The following SFMBT2 variants were observed in gnomAD, a reference collection of about 807,000 sequenced individuals.
SFMBT2 encodes Scm like with four mbt domains 2.
Under a neutral mutation model 110.1 loss-of-function variants are expected in SFMBT2, and 38 were observed. The ratio of observed to expected loss-of-function variants is 0.35; its 90% CI spans 0.27 to 0.45. SFMBT2 has a LOEUF of 0.45. Ranked by LOEUF, SFMBT2 falls within the 20% of genes least tolerant of loss-of-function variation. SFMBT2 has a pLI of 1.00. For missense variants in SFMBT2, 1,011 were observed against 1,094.9 expected, an observed-to-expected ratio of 0.92 and a Z score of 1.08; for synonymous variants, 425 against 425.4, an observed-to-expected ratio of 1.00 and a Z score of 0.01.
In SFMBT2 at chr10:7,220,511, C is replaced by G. The variant is rs565355283; in HGVS notation, c.1230G>C (p.Lys410Asn). 1 of 1,614,138 alleles carries G rather than the reference C, an allele frequency of 6.2e-7. No individual in the cohort carries two copies. The highest frequency in any genetic ancestry group is 1.1e-5 in the South Asian group (1 of 91,088). The change falls in exon 11 of 21, where the codon AAG becomes AAC. Residue 410 changes from lysine (K) to asparagine (N), a missense_variant. By Grantham distance (94) the Lys-to-Asn change is moderately conservative. This residue lies in a region of SFMBT2 where 979 missense variants were observed against 1,016.1 expected (regional missense o/e 0.96). Coordinates refer to ENST00000397167, the MANE Select transcript of SFMBT2 (RefSeq NM_001387889.1). The part of the protein sequence containing the change: ...RNTSFSRGFT[K>N]NMKLEAVNPR... Reference sequence around the variant, plus strand: ...GGTTCACAGCTTCAAGTTTCATGTTCTTTGTGAAACCTCGACTGAATGATG... The same window carrying G: ...GGTTCACAGCTTCAAGTTTCATGTTGTTTGTGAAACCTCGACTGAATGATG...
At chr10:7,404,068 C>A (rs1251607229) in intron 1 of SFMBT2, among the ~76,000 whole-genome samples, 1 of 152,074 alleles carries the variant, frequency 6.6e-6, no homozygotes, top group Non-Finnish European at 1.5e-5. Flanking sequence ...CACATGCACC[C>A]CACACATATG....
chr10:7,379,969 A>G (rs1845377732), intron 2 of SFMBT2, among the ~76,000 whole-genome samples: 1 of 151,824 alleles, frequency 6.6e-6, no homozygotes, highest in Non-Finnish European at 1.5e-5. Context: ...CCGTGTGCAC[A>G]TGAAAAGCCA....
intron 2 of SFMBT2, among the ~76,000 whole-genome samples, chr10:7,376,726 A>C (rs77675852): frequency 6.4e-4 from 24 of 37,228 alleles, no homozygotes; most frequent in East Asian, 1.5e-3. Flanking sequence ...AGGCCCTCCC[A>C]CAAAAAAAAA....
chr10:7,297,558 G>GGAGGAGGAT (rs1370315496), intron 4 of SFMBT2, among the ~76,000 whole-genome samples: 1 of 152,146 alleles, frequency 6.6e-6, no homozygotes, highest in Non-Finnish European at 1.5e-5. Flanking sequence ...AGGAGAAGCA[G>GGAGGAGGAT]GAGGAGGATG....
intron 1 of SFMBT2, among the ~76,000 whole-genome samples, chr10:7,385,298 C>G (rs1845561562): frequency 6.6e-6 from 1 of 152,172 alleles, no homozygotes; most frequent in African/African-American, 2.4e-5. Context: ...GGAAGAGAGA[C>G]AGCATCCACA....
intron 4 of SFMBT2, chr10:7,320,753 C>A: frequency 8.0e-6 from 2 of 251,354 alleles, no homozygotes; most frequent in Non-Finnish European, 1.3e-5. Context: ...CAGGGTCTTT[C>A]AGACCCTCCA....
At chr10:7,178,883 C>A (rs1838156067) in intron 16 of SFMBT2, among the ~76,000 whole-genome samples, 2 of 152,162 alleles carry the variant, frequency 1.3e-5, no homozygotes, top group South Asian at 4.1e-4. Context: ...ATCATGGGGA[C>A]AAAGTAATGG....
intron 2 of SFMBT2, among the ~76,000 whole-genome samples, chr10:7,372,022 G>A (rs1845077898): frequency 7.4e-6 from 1 of 136,036 alleles, no homozygotes. Context: ...CACCCCCCAG[G>A]TTCAAGTGAT....
intron 4 of SFMBT2, among the ~76,000 whole-genome samples, chr10:7,357,243 A>G (rs1844549747): frequency 6.6e-6 from 1 of 152,040 alleles, no homozygotes; most frequent in Non-Finnish European, 1.5e-5. Context: ...TTATGCATCA[A>G]CTTGGCTGGG....
chr10:7,210,090 C>T (rs1445783612), intron 11 of SFMBT2, among the ~76,000 whole-genome samples: 1 of 151,888 alleles, frequency 6.6e-6, no homozygotes, highest in East Asian at 1.9e-4. Flanking sequence ...CCTTTGGAAC[C>T]TTAAAGAGTT....
chr10:7,364,958 A>T (rs937382263), intron 4 of SFMBT2, among the ~76,000 whole-genome samples: 7 of 152,234 alleles, frequency 4.6e-5, no homozygotes, highest in Admixed American at 1.3e-4. Flanking sequence ...TTCACGACGG[A>T]TCAGAAATCA....
chr10:7,309,371 G>A (rs1842785209), intron 4 of SFMBT2, among the ~76,000 whole-genome samples: 1 of 152,188 alleles, frequency 6.6e-6, no homozygotes, highest in African/African-American at 2.4e-5. Flanking sequence ...ACATTGTCCA[G>A]GTCTGCTGCC....
chr10:7,372,581 C>T (rs1477551418), intron 2 of SFMBT2, among the ~76,000 whole-genome samples: 1 of 152,208 alleles, frequency 6.6e-6, no homozygotes, highest in Non-Finnish European at 1.5e-5. Context: ...GAATGGATGA[C>T]ACCAAGAAGT....
At chr10:7,310,465 AACAG>A (rs1842818888) in intron 4 of SFMBT2, among the ~76,000 whole-genome samples, 1 of 152,238 alleles carries the variant, frequency 6.6e-6, no homozygotes, top group African/African-American at 2.4e-5. Flanking sequence ...CAATGAAAGA[AACAG>A]ACAGTGATAA....
intron 8 of SFMBT2, among the ~76,000 whole-genome samples, chr10:7,245,054 G>C (rs1049645911): frequency 1.3e-5 from 2 of 152,072 alleles, no homozygotes; most frequent in African/African-American, 4.8e-5. Flanking sequence ...CGGCGATCTG[G>C]CTCAGGGTGC....
In SFMBT2 at chr10:7,227,934, T is replaced by C. The variant is rs763667823; in HGVS notation, c.1124A>G (p.Tyr375Cys). 2.5e-6 allele frequency: 4 copies of C among 1,586,768 alleles called. No homozygotes were observed. The highest frequency in any genetic ancestry group is 3.4e-6 in the Non-Finnish European group (4 of 1,171,244). Residue 375 changes from tyrosine (Y) to cysteine (C), a missense_variant, in exon 10 of 21, where the codon TAC (tyrosine) becomes TGC (cysteine). Physicochemically the swap from Tyr to Cys is radical, Grantham distance 194. Transcript: ENST00000397167. ...TGCCCAGTCGAAGTCCTGGCCAGAG[T>C]AACCTGGGAATGACAAAACACAGAT... ...NGVSLTPPKG[Y>C]SGQDFDWADY...
chr10:7,314,413 CTGCTAGGCAGCTA>C, intron 4 of SFMBT2, among the ~76,000 whole-genome samples: 1 of 152,360 alleles, frequency 6.6e-6, no homozygotes, highest in South Asian at 2.1e-4. Context: ...AAATGTTGAA[CTGCTAGGCAGCTA>C]TGCAAACCAC....
At chr10:7,343,907 G>A (rs1202301718) in intron 4 of SFMBT2, among the ~76,000 whole-genome samples, 3 of 152,184 alleles carry the variant, frequency 2.0e-5, no homozygotes, top group Admixed American at 1.3e-4. Flanking sequence ...TGGCATGGTT[G>A]TTGGATAACA....
Position 7,238,200 on chromosome 10 carries a change from G to T in SFMBT2, c.1120+5358C>A, listed in dbSNP as rs185706650. 3.9e-4 allele frequency among the ~76,000 whole-genome samples: 59 copies of T among 152,304 alleles called. 1 individual carries two copies. In the East Asian group the frequency reaches 6.6e-3, roughly 17 times the overall value. ...CTGAGTTAAACAAGGGGCTGCTGCA[G>T]GAACCAGGTGAGACTCACTAGCGGC... On this transcript the variant is annotated intron_variant, in intron 9 of 20. Coordinates refer to ENST00000397167, the MANE Select transcript of SFMBT2 (RefSeq NM_001387889.1).
Sources: gnomAD v4.1 joint callset for allele counts (sites outside exome capture counted in the v4.1 genomes callset) on GRCh38, gnomAD v4.1.1 for gene constraint, gnomAD v4.1.1 regional missense constraint, MANE v1.5 for transcripts, NCBI Gene and HGNC (gene_info 2026-07-23, HGNC 2026-07-21) for gene names.